Variants in SYMPK observed in about 807,000 individuals in gnomAD.
SYMPK encodes symplekin scaffold protein, also known as symplekin.
In SYMPK, 49 loss-of-function variants were observed where a neutral mutation model predicts 136.4. The observed-to-expected ratio is 0.36, with a 90% CI of 0.29 to 0.46. SYMPK has a LOEUF of 0.46. Ranked by LOEUF, SYMPK falls within the 20% of genes least tolerant of loss-of-function variation. The pLI is 1.00. For missense variants in SYMPK, 1,365 were observed against 1,690.0 expected, an observed-to-expected ratio of 0.81 and a Z score of 3.37; for synonymous variants, 766 against 713.0, an observed-to-expected ratio of 1.07 and a Z score of -1.19.
At chr19:45,832,855 C>CAAAAAAAAAA (rs10561490) in intron 11 of SYMPK, among the ~76,000 whole-genome samples, 2 of 118,660 alleles carry the variant, frequency 1.7e-5, no homozygotes, top group African/African-American at 6.5e-5. Flanking sequence ...ACTAAAAATA[C>CAAAAAAAAAA]AAAAAAAAAA....
chr19:45,825,082 C>CT, intron 18 of SYMPK, 89 bp downstream of exon 18: 1 of 1,521,848 alleles, frequency 6.6e-7, no homozygotes, highest in Non-Finnish European at 8.9e-7. Flanking sequence ...TTGGCACACT[C>CT]TGAGGTGGAG....
chr19:45,828,995 G>C lies in SYMPK; in HGVS notation c.1960C>G (p.Gln654Glu). 1 of 1,614,210 alleles carries C rather than the reference G, an allele frequency of 6.2e-7. No individual in the cohort carries two copies. Among genetic ancestry groups the C allele is most frequent in the Non-Finnish European group, 8.5e-7 (1 of 1,180,036 alleles). Residue 654 changes from glutamine (Q) to glutamate (E), a missense_variant, in exon 14 of 27, where the codon CAG (glutamine) becomes GAG (glutamate). By Grantham distance (29) the Gln-to-Glu change is conservative. Coordinates refer to ENST00000245934, the MANE Select transcript of SYMPK (RefSeq NM_004819.3). ...DCLIRLLSGL[Q>E]EKPDQKDGIF... is the part of the protein sequence containing the mutation. ...CCATCCTTCTGGTCTGGTTTCTCCTGCAGGCCAGACAACAGGCGGATGAGG... is the reference window on the plus strand; with the variant it reads ...CCATCCTTCTGGTCTGGTTTCTCCTCCAGGCCAGACAACAGGCGGATGAGG...
Position 45,823,881 on chromosome 19 carries a change from G to GGCAGAGACAGGGATGA in SYMPK, c.2491-22_2491-7dup, listed in dbSNP as rs1217906033. The GGCAGAGACAGGGATGA allele has an allele frequency of 1.2e-6, 2 of 1,612,140 alleles. No homozygotes were observed. The highest frequency in any genetic ancestry group is 2.7e-5 in the African/African-American group (2 of 74,878). Reference sequence around the variant, plus strand: ...TTCATGCCCATTCCTCGGATCTAGAGGCAGAGACAGGGATGACCAGACCCA... The same window carrying GGCAGAGACAGGGATGA: ...TTCATGCCCATTCCTCGGATCTAGAGGCAGAGACAGGGATGAGCAGAGACAGGGATGACCAGACCCA... On this transcript the variant is annotated splice_region_variant and splice_polypyrimidine_tract_variant and intron_variant, in intron 18 of 26. Transcript: ENST00000245934.
intron 11 of SYMPK, among the ~76,000 whole-genome samples, chr19:45,833,329 C>T (rs1368369487): frequency 6.6e-6 from 1 of 152,156 alleles, no homozygotes; most frequent in South Asian, 2.1e-4. Flanking sequence ...GGGCCGGGCG[C>T]GGTGGCTCAC....
chr19:45,826,077 T>G, intron 17 of SYMPK, 149 bp downstream of exon 17: 1 of 1,257,444 alleles, frequency 8.0e-7, no homozygotes, highest in Non-Finnish European at 1.1e-6. Context: ...CCCCCTACCC[T>G]GACTCCCACA....
intron 24 of SYMPK, 70 bp from the exon 25 acceptor site, chr19:45,816,647 T>C (rs1284847565): frequency 1.3e-6 from 2 of 1,596,604 alleles, no homozygotes; most frequent in Non-Finnish European, 8.5e-7. Context: ...ACACCTCAGG[T>C]CCGGGGGCCC....
chr19:45,842,146 A>C, intron 9 of SYMPK, 104 bp downstream of exon 9: 2 of 1,531,196 alleles, frequency 1.3e-6, no homozygotes, highest in South Asian at 1.2e-5. Context: ...CACATAACAT[A>C]ATCTATAATA....
chr19:45,849,759 G>C (rs1971652159), intron 5 of SYMPK, among the ~76,000 whole-genome samples: 3 of 152,098 alleles, frequency 2.0e-5, no homozygotes, highest in African/African-American at 7.2e-5. Context: ...TAAAATCCCA[G>C]CCTTGGCCAG....
At position 45,827,755 on chromosome 19, in the gene SYMPK, T is replaced by C. The variant is rs888311323; in HGVS notation, c.2067+82A>G. The C allele has an allele frequency of 1.6e-4, 251 of 1,540,298 alleles. No individual in the cohort carries two copies. In the Admixed American group the frequency reaches 4.2e-3, roughly 26 times the overall value. On this transcript the variant is annotated intron_variant, in intron 15 of 26. Transcript: ENST00000245934. ...CCTCACAAAACCCCCGGCCACAAGG[T>C]TTAGACTGTGTGCCCTTCAGACCCC...
chr19:45,815,558 C>A lies in SYMPK; in HGVS notation c.*2G>T, dbSNP rs1231887270. ...CCCACCCCCTTTCCCCCTCGAGCCC[C>A]GTCAGCTGTTCCCCTTGGCCTCGGG... is the stretch of plus-strand genomic sequence containing the variant. On this transcript the variant is annotated 3_prime_UTR_variant, in exon 27 of 27. Coordinates refer to ENST00000245934, the MANE Select transcript of SYMPK (RefSeq NM_004819.3). 6.3e-7 allele frequency: 1 copy of A among 1,578,602 alleles called. No individual in the cohort carries two copies. Among genetic ancestry groups the A allele is most frequent in the South Asian group, 1.2e-5 (1 of 85,604 alleles).
intron 11 of SYMPK, among the ~76,000 whole-genome samples, chr19:45,832,333 G>A (rs578214775): frequency 6.6e-6 from 1 of 151,866 alleles, no homozygotes; most frequent in African/African-American, 2.4e-5. Context: ...GTAGAGACGG[G>A]GTTTCACCAC....
Position 45,821,342 on chromosome 19 carries a change from T to A in SYMPK, c.2893+42A>T. On this transcript the variant is annotated intron_variant, in intron 22 of 26. Transcript: ENST00000245934. The surrounding 1 kb of genome is among the most constrained non-coding windows in gnomAD (Gnocchi z 4.4). ...GGGTGACTGAGGTCCTGCCCTGGCG[T>A]CGCAGGGGCCAGGCCACTGGAGTGG... The A allele has an allele frequency of 6.8e-7, 1 of 1,471,708 alleles. No homozygotes were observed. Among genetic ancestry groups the A allele is most frequent in the Non-Finnish European group, 9.5e-7 (1 of 1,052,048 alleles). 91.2% of individuals were successfully genotyped at this position (1,471,708 alleles called of 1,614,324 possible). A position where few individuals can be genotyped will look rare whatever the true frequency, so the allele number is the denominator to read the frequency against.
At chr19:45,842,125 T>C in intron 9 of SYMPK, 125 bp downstream of exon 9, 1 of 1,451,196 alleles carries the variant, frequency 6.9e-7, no homozygotes, top group Non-Finnish European at 9.3e-7. Flanking sequence ...TGTGAGCCAC[T>C]GTGCCTGGCC....
intron 1 of SYMPK, among the ~76,000 whole-genome samples, chr19:45,856,583 G>A (rs1386363819): frequency 6.6e-6 from 1 of 152,170 alleles, no homozygotes; most frequent in East Asian, 1.9e-4. Context: ...AGTATATACA[G>A]TAAACATTGG....
intron 22 of SYMPK, among the ~76,000 whole-genome samples, chr19:45,818,562 G>A (rs1970809648): frequency 6.6e-6 from 1 of 152,192 alleles, no homozygotes; most frequent in African/African-American, 2.4e-5. Flanking sequence ...GCTTGTCAGA[G>A]GGCCAAGGGA....
intron 17 of SYMPK, 58 bp downstream of exon 17, chr19:45,826,168 A>C: frequency 6.4e-7 from 1 of 1,551,714 alleles, no homozygotes; most frequent in South Asian, 1.2e-5. Context: ...CTCTGCTCGC[A>C]GGGCCCAGAG....
At chr19:45,861,736 CA>C (rs34560122) in intron 1 of SYMPK, among the ~76,000 whole-genome samples, 246 of 118,932 alleles carry the variant, frequency 2.1e-3, no homozygotes, top group Admixed American at 5.2e-3. Flanking sequence ...GACTCTGTCT[CA>C]AAAAAAAAAA....
chr19:45,830,362 C>T lies in SYMPK; in HGVS notation c.1599-158G>A, dbSNP rs1034044411. ...TCTGTGTCTCTGAGGCACGGTGTGGCGGTGGGTAAGAGGAAGGAAGAGGAT... is the reference window on the plus strand; with the variant it reads ...TCTGTGTCTCTGAGGCACGGTGTGGTGGTGGGTAAGAGGAAGGAAGAGGAT... On this transcript the variant is annotated intron_variant, in intron 12 of 26. Transcript: ENST00000245934. 50 of 849,800 alleles carry T rather than the reference C, an allele frequency of 5.9e-5. 1 individual carries two copies. The highest frequency in any genetic ancestry group is 1.1e-4 in the Admixed American group (4 of 35,346). The allele number at this position is 849,800 out of a possible 1,614,324, so 52.6% of individuals were successfully genotyped here.
At chr19:45,843,989 G>GTGAA in intron 8 of SYMPK, 41 bp downstream of exon 8, 1 of 974,948 alleles carries the variant, frequency 1.0e-6, no homozygotes, top group Non-Finnish European at 1.4e-6. Flanking sequence ...AGACTGGCCA[G>GTGAA]TGAAGAGAAG....
Sources: allele counts gnomAD v4.1 joint callset (sites outside exome capture counted in the v4.1 genomes callset), GRCh38; gene constraint gnomAD v4.1.1; non-coding constraint Gnocchi (gnomAD v3.1); transcripts MANE v1.5; gene names NCBI Gene and HGNC (gene_info 2026-07-23, HGNC 2026-07-21).